DPP10: variants seen among roughly 807,000 people sequenced by gnomAD.
DPP10 encodes the protein inactive dipeptidyl peptidase 10.
DPP10 carries 33 observed loss-of-function variants against 120.9 expected under a neutral mutation model. The ratio of observed to expected loss-of-function variants is 0.27; its 90% CI spans 0.21 to 0.37. The LOEUF is 0.37. Ranked by LOEUF, DPP10 falls within the 10% of genes least tolerant of loss-of-function variation. The pLI is 1.00. For missense variants in DPP10, 816 were observed against 942.8 expected (o/e 0.87, Z 1.76); for synonymous variants, 337 against 326.1 (o/e 1.03, Z -0.36).
intron 1 of DPP10, among the ~76,000 whole-genome samples, chr2:115,159,170 T>C (rs2052114547): frequency 6.6e-6 from 1 of 151,974 alleles, no homozygotes; most frequent in Non-Finnish European, 1.5e-5. Flanking sequence ...GGTAAAAAGG[T>C]GGAAGTGGCA....
chr2:115,817,711 G>A (rs1023511008), intron 21 of DPP10, among the ~76,000 whole-genome samples: 1 of 151,620 alleles, frequency 6.6e-6, no homozygotes, highest in African/African-American at 2.4e-5. Flanking sequence ...ATCTAAGAAA[G>A]TGATCATCCC....
intron 1 of DPP10, among the ~76,000 whole-genome samples, chr2:114,610,076 G>C (rs1693158924): frequency 6.6e-6 from 1 of 152,150 alleles, no homozygotes; most frequent in South Asian, 2.1e-4. Context: ...AGTATTTCAC[G>C]GGAACAACAC....
At chr2:115,673,607 C>A (rs2090066569) in intron 5 of DPP10, among the ~76,000 whole-genome samples, 1 of 152,166 alleles carries the variant, frequency 6.6e-6, no homozygotes, top group East Asian at 1.9e-4. Flanking sequence ...TCTCCTGATA[C>A]ATTTCTTAAT....
At chr2:115,297,234 C>G in intron 1 of DPP10, 1 of 335,274 alleles carries the variant, frequency 3.0e-6, no homozygotes, top group South Asian at 2.3e-5. Context: ...ATGGCATAAG[C>G]TGGGCACACA....
chr2:114,630,828 G>T (rs1235134304), intron 1 of DPP10, among the ~76,000 whole-genome samples: 4 of 152,076 alleles, frequency 2.6e-5, no homozygotes, highest in Admixed American at 2.6e-4. Flanking sequence ...CTGCCCTTCT[G>T]GTCCCCACCC....
chr2:115,198,866 C>T (rs932854783), intron 1 of DPP10, among the ~76,000 whole-genome samples: 2 of 152,096 alleles, frequency 1.3e-5, no homozygotes, highest in African/African-American at 4.8e-5. Context: ...TCATTATTGC[C>T]TCTCAAGAAG....
chr2:115,768,184 C>A (rs1559130922), intron 12 of DPP10, 113 bp from the exon 13 acceptor site: 2 of 861,560 alleles, frequency 2.3e-6, no homozygotes, highest in South Asian at 2.3e-5. Context: ...TGCCCATTTT[C>A]CTAACTAATT....
intron 3 of DPP10, among the ~76,000 whole-genome samples, chr2:115,402,782 ACT>A (rs903366729): frequency 1.5e-4 from 23 of 148,988 alleles, no homozygotes; most frequent in African/African-American, 5.4e-4. Flanking sequence ...ATGCTTCCAA[ACT>A]CATTTTATAT....
intron 1 of DPP10, among the ~76,000 whole-genome samples, chr2:115,085,644 A>G (rs529090176): frequency 6.6e-6 from 1 of 152,312 alleles, no homozygotes; most frequent in East Asian, 1.9e-4. Flanking sequence ...GAAATCTCAA[A>G]GTTTCCCCTC....
intron 1 of DPP10, among the ~76,000 whole-genome samples, chr2:114,752,193 A>G (rs551530129): frequency 3.7e-4 from 57 of 152,304 alleles, no homozygotes; most frequent in African/African-American, 1.3e-3. Flanking sequence ...GTCACTACTC[A>G]GAAGGGCAGG....
At chr2:115,247,451 G>C (rs1356654223) in intron 1 of DPP10, among the ~76,000 whole-genome samples, 1 of 152,114 alleles carries the variant, frequency 6.6e-6, no homozygotes, top group Non-Finnish European at 1.5e-5. Context: ...GTAAATTCTT[G>C]AATGATATTT....
At chr2:115,200,659 G>A (rs1350913853) in intron 1 of DPP10, among the ~76,000 whole-genome samples, 1 of 152,166 alleles carries the variant, frequency 6.6e-6, no homozygotes, top group East Asian at 1.9e-4. Context: ...TCTTGTCAAT[G>A]CCTTTTGATA....
At chr2:114,745,768 G>A (rs939724901) in intron 1 of DPP10, among the ~76,000 whole-genome samples, 2 of 152,136 alleles carry the variant, frequency 1.3e-5, no homozygotes, top group Non-Finnish European at 2.9e-5. Context: ...CCAGAGAAGG[G>A]GCTTCTCTTT....
At chr2:115,461,132 T>C in intron 3 of DPP10, among the ~76,000 whole-genome samples, 1 of 152,116 alleles carries the variant, frequency 6.6e-6, no homozygotes, top group Admixed American at 6.6e-5. Context: ...AAAAGATGAA[T>C]AAAACAAGTT....
At chr2:115,361,507 A>G (rs1162491254) in intron 3 of DPP10, among the ~76,000 whole-genome samples, 1 of 152,044 alleles carries the variant, frequency 6.6e-6, no homozygotes, top group Admixed American at 6.6e-5. Context: ...TCCCATGGGA[A>G]AAACAGCCCT....
intron 1 of DPP10, among the ~76,000 whole-genome samples, chr2:114,857,114 A>G (rs1558813856): frequency 6.6e-6 from 1 of 152,194 alleles, no homozygotes. Context: ...ACACGGGTTT[A>G]CCTGAGTCCA....
At chr2:115,782,265 G>A in intron 16 of DPP10, 87 bp from the exon 17 acceptor site, 1 of 1,154,110 alleles carries the variant, frequency 8.7e-7, no homozygotes, top group South Asian at 1.4e-5. Flanking sequence ...GCTTCCATTT[G>A]GGGGGAAAAA....
intron 1 of DPP10, among the ~76,000 whole-genome samples, chr2:114,668,929 G>A (rs1698134000): frequency 6.6e-6 from 1 of 151,904 alleles, no homozygotes; most frequent in Non-Finnish European, 1.5e-5. Flanking sequence ...TCTCGTAAAT[G>A]TCGTGTTCTC....
At chr2:114,846,147 T>G (rs1432834172) in intron 1 of DPP10, among the ~76,000 whole-genome samples, 2 of 152,132 alleles carry the variant, frequency 1.3e-5, no homozygotes, top group African/African-American at 4.8e-5. Context: ...TACCTCCGAT[T>G]GTATATAAAT....
Sources: allele counts gnomAD v4.1 joint callset (sites outside exome capture counted in the v4.1 genomes callset), GRCh38; gene constraint gnomAD v4.1.1; transcripts MANE v1.5; gene names NCBI Gene and HGNC (gene_info 2026-07-23, HGNC 2026-07-21).